The following IGSF10 variants were observed in gnomAD, a reference collection of about 807,000 sequenced individuals.
IGSF10 encodes the protein immunoglobulin superfamily member 10, also known as calvaria mechanical force protein 608.
A neutral mutation model predicts 128.2 loss-of-function variants in IGSF10; 126 were observed. That is an observed-to-expected ratio of 0.98 (90% confidence interval 0.85 to 1.14). IGSF10 has a LOEUF of 1.14. IGSF10 is among the 50% of genes most tolerant of loss of function. The pLI is 0.00. For missense variants in IGSF10, 3,295 were observed against 3,149.8 expected (o/e 1.05, Z -1.10); for synonymous variants, 1,185 against 1,146.2 (o/e 1.03, Z -0.68).
At chr3:151,496,682 G>A in the IGSF10 span, among the ~76,000 whole-genome samples, 1 of 151,572 alleles carries the variant, frequency 6.6e-6, no homozygotes, top group Admixed American at 6.6e-5. Flanking sequence ...ATAATACTTT[G>A]GGTATATATC....
At position 151,444,910 on chromosome 3, in the gene IGSF10, T is replaced by G. The variant is rs1331149499; in HGVS notation, c.5062+9A>C. Reference sequence around the variant, plus strand: ...CAAAAACTAAGTGTAAAGAAAAAGTTTCACATACCTGATGGGACTCTGGTC... The same window carrying G: ...CAAAAACTAAGTGTAAAGAAAAAGTGTCACATACCTGATGGGACTCTGGTC... On this transcript the variant is annotated intron_variant, in intron 6 of 7. Coordinates refer to ENST00000282466, the MANE Select transcript of IGSF10 (RefSeq NM_178822.5). The G allele has an allele frequency of 1.9e-6, 3 of 1,554,858 alleles. No homozygotes were observed. The highest frequency in any genetic ancestry group is 8.7e-7 in the Non-Finnish European group (1 of 1,154,904).
chr3:151,442,911 A>C, intron 7 of IGSF10, 73 bp downstream of exon 7: 1 of 1,384,528 alleles, frequency 7.2e-7, no homozygotes, highest in Non-Finnish European at 9.8e-7. Flanking sequence ...TCACTGTGTC[A>C]CTTTTTCCAT....
At position 151,460,991 on chromosome 3, in the gene IGSF10, C is replaced by T. The variant is rs1181244929; in HGVS notation, c.-134G>A. On this transcript the variant is annotated 5_prime_UTR_variant, in exon 1 of 8. Transcript: ENST00000282466. ...TGGGCTCGAGCTGCCCGGGCTAGGT[C>T]CCGGGCTCGGTCCCGGGCTCAGCTG... The T allele has an allele frequency of 1.0e-6, 1 of 981,460 alleles. No individual in the cohort carries two copies. Among genetic ancestry groups the T allele is most frequent in the Non-Finnish European group, 1.2e-6 (1 of 826,394 alleles). The allele number at this position is 981,460 out of a possible 1,614,324, so 60.8% of individuals were successfully genotyped here.
the IGSF10 span, among the ~76,000 whole-genome samples, chr3:151,525,023 TTTTTTTTTTTTTTTTTTTTTTA>T: frequency 2.3e-4 from 25 of 107,122 alleles, no homozygotes; most frequent in African/African-American, 8.6e-4. Flanking sequence ...TTTTTTTTTT[TTTTTTTTTTTTTTTTTTTTTTA>T]AAGAGAGCCT....
At chr3:151,514,105 G>A in the IGSF10 span, among the ~76,000 whole-genome samples, 37 of 151,942 alleles carry the variant, frequency 2.4e-4, no homozygotes, top group African/African-American at 8.2e-4. Context: ...TTTCTTCACA[G>A]AATTGGAAAA....
At position 151,446,727 on chromosome 3, in the gene IGSF10, G is replaced by C. The variant is rs376691301; in HGVS notation, c.3254C>G (p.Ala1085Gly). 1.1e-5 allele frequency: 18 copies of C among 1,614,068 alleles called. No homozygotes were observed. The highest frequency in any genetic ancestry group is 1.1e-5 in the Non-Finnish European group (13 of 1,180,048). Residue 1085 changes from alanine (A) to glycine (G), a missense_variant, in exon 6 of 8, where the codon GCT (alanine) becomes GGT (glycine). Ala to Gly is a moderately conservative substitution (Grantham distance 60). Coordinates refer to ENST00000282466, the MANE Select transcript of IGSF10 (RefSeq NM_178822.5). ...ATAALSFPSA[A>G]PITFPKADIA... ...GTCAGCTTTGGGGAAGGTGATGGGA[G>C]CAGCACTTGGAAAAGACAATGCTGC...
rs138450222 is a variant in IGSF10, at chr3:151,445,462, C to A, written c.4519G>T (p.Glu1507Ter). ...LMTNTVVKLH[E>*]SSRHNAKPQQ... The stretch of plus-strand genomic sequence containing the variant: ...GGTTTAGCATTGTGCCTTGAGGATT[C>A]GTGCAGCTTGACCACTGTATTTGTC... The change falls in exon 6 of 8, where the codon GAA (glutamate) becomes TAA (stop). Residue 1507 changes from glutamate (E) to a stop codon, truncating the protein, a stop_gained. Coordinates refer to ENST00000282466, the MANE Select transcript of IGSF10 (RefSeq NM_178822.5). LOFTEE classifies it high-confidence loss of function. 1 of 1,614,134 alleles carries A rather than the reference C, an allele frequency of 6.2e-7. No individual in the cohort carries two copies. Among genetic ancestry groups the A allele is most frequent in the South Asian group, 1.1e-5 (1 of 91,064 alleles).
At chr3:151,438,676 T>C (rs2108528519) in intron 7 of IGSF10, 79 bp from the exon 8 acceptor site, 1 of 1,061,612 alleles carries the variant, frequency 9.4e-7, no homozygotes, top group Non-Finnish European at 1.4e-6. Context: ...TGCCTCCCTC[T>C]GCCCCAGCTT....
At chr3:151,517,215 G>C in the IGSF10 span, among the ~76,000 whole-genome samples, 1 of 152,042 alleles carries the variant, frequency 6.6e-6, no homozygotes, top group South Asian at 2.1e-4. Flanking sequence ...TGACTAAACA[G>C]GAGTGTCTCT....
rs778469945 is a variant in IGSF10 at position 151,446,482 on chromosome 3, T to C, written c.3499A>G (p.Ser1167Gly). ...KVNASYPRVSSTNEAKRDSVI... is the reference protein window; with the variant it reads ...KVNASYPRVSGTNEAKRDSVI... ...GAATCTCTTTTAGCTTCATTGGTGC[T>C]AGACACACGTGGGTAACTGGCGTTT... The change falls in exon 6 of 8, where the codon AGC becomes GGC. Residue 1167 changes from serine (S) to glycine (G), a missense_variant. By Grantham distance (56) the Ser-to-Gly change is moderately conservative. Transcript: ENST00000282466. The C allele has an allele frequency of 1.2e-6, 2 of 1,614,238 alleles. No individual in the cohort carries two copies. The highest frequency in any genetic ancestry group is 1.7e-6 in the Non-Finnish European group (2 of 1,180,048).
the IGSF10 span, among the ~76,000 whole-genome samples, chr3:151,485,781 TAC>T: frequency 2.6e-5 from 4 of 152,144 alleles, no homozygotes; most frequent in African/African-American, 4.8e-5. Flanking sequence ...AGGCCTGCCT[TAC>T]AAGAGCTCCT....
At chr3:151,608,238 TA>T in the IGSF10 span, among the ~76,000 whole-genome samples, 1 of 152,160 alleles carries the variant, frequency 6.6e-6, no homozygotes, top group South Asian at 2.1e-4. Context: ...ATGGTTTGAA[TA>T]AAAAAGAGAA....
the IGSF10 span, among the ~76,000 whole-genome samples, chr3:151,599,833 C>T: frequency 6.6e-6 from 1 of 152,096 alleles, no homozygotes; most frequent in African/African-American, 2.4e-5. Context: ...TACTACCTGA[C>T]TCTTTACAGA....
chr3:151,516,738 C>T, the IGSF10 span, among the ~76,000 whole-genome samples: 1 of 151,920 alleles, frequency 6.6e-6, no homozygotes, highest in Non-Finnish European at 1.5e-5. Flanking sequence ...AACATTTGCT[C>T]AATTAAACTA....
chr3:151,483,903 TGA>T, the IGSF10 span, among the ~76,000 whole-genome samples: 2 of 152,156 alleles, frequency 1.3e-5, no homozygotes, highest in African/African-American at 4.8e-5. Context: ...GCTAGATGCA[TGA>T]GTTTTTTTTA....
At chr3:151,532,035 G>A in the IGSF10 span, among the ~76,000 whole-genome samples, 1 of 152,164 alleles carries the variant, frequency 6.6e-6, no homozygotes, top group East Asian at 1.9e-4. Context: ...TACCATCAAA[G>A]AATACTATAA....
chr3:151,453,797 T>C (rs1221525497), intron 4 of IGSF10, 23 bp from the exon 5 acceptor site: 3 of 1,390,738 alleles, frequency 2.2e-6, no homozygotes, highest in Admixed American at 2.4e-5. Flanking sequence ...AAAAAGAACA[T>C]ATTTATGTTG....
the IGSF10 span, among the ~76,000 whole-genome samples, chr3:151,613,917 A>G: frequency 6.6e-6 from 1 of 152,226 alleles, no homozygotes; most frequent in East Asian, 1.9e-4. Context: ...AATTTTTGCA[A>G]CCTACTCATC....
At chr3:151,488,104 A>C in the IGSF10 span, among the ~76,000 whole-genome samples, 2 of 152,152 alleles carry the variant, frequency 1.3e-5, no homozygotes, top group African/African-American at 4.8e-5. Flanking sequence ...CAAAATCTCC[A>C]TAAGCTGATA....
Sources: gnomAD v4.1 joint callset for allele counts (sites outside exome capture counted in the v4.1 genomes callset) on GRCh38, gnomAD v4.1.1 for gene constraint, MANE v1.5 for transcripts, NCBI Gene and HGNC (gene_info 2026-07-23, HGNC 2026-07-21) for gene names.